Variants in UBE3B observed in about 807,000 individuals in gnomAD.
The protein encoded by UBE3B is ubiquitin protein ligase E3B, also known as ubiquitin-protein ligase E3B.
A neutral mutation model predicts 132.3 loss-of-function variants in UBE3B; 80 were observed. The observed-to-expected ratio is 0.60, with a 90% CI of 0.50 to 0.73. UBE3B has a LOEUF of 0.73. Among genes scored for constraint, UBE3B ranks in the 30% least tolerant of loss-of-function variants. The probability of loss-of-function intolerance (pLI) is 0.00; values close to 1 mark genes in which losing one functional copy is unlikely to be tolerated. For missense variants in UBE3B, 1,196 were observed against 1,362.5 expected (o/e 0.88, Z 1.92); for synonymous variants, 487 against 520.4 (o/e 0.94, Z 0.87).
intron 18 of UBE3B, 89 bp downstream of exon 18, chr12:109,511,392 G>GTGAC: frequency 8.6e-7 from 1 of 1,169,144 alleles, no homozygotes. Context: ...GCAATTGGAG[G>GTGAC]TGACTAAGTG....
chr12:109,505,613 G>A (rs1879563309), intron 14 of UBE3B, among the ~76,000 whole-genome samples: 1 of 152,170 alleles, frequency 6.6e-6, no homozygotes. Context: ...TTATGAGTGG[G>A]GCACCTATGT....
intron 9 of UBE3B, 65 bp from the exon 10 acceptor site, chr12:109,497,753 G>T: frequency 6.7e-7 from 1 of 1,491,630 alleles, no homozygotes. Context: ...ACGTTGGTGG[G>T]GTTGTGCTTT....
At position 109,514,652 on chromosome 12, in the gene UBE3B, C is replaced by T. The variant is rs952862218; in HGVS notation, c.1957-2113C>T. On this transcript the variant is annotated intron_variant, in intron 18 of 27. Transcript: ENST00000342494. ...TTGTGTCACAAACTACACGACTCCA[C>T]ATGACAAACACCTGTTCTCAAAAGT... is the stretch of plus-strand genomic sequence containing the variant. Among the ~76,000 whole-genome samples, 83 of 152,180 alleles carry T rather than the reference C, an allele frequency of 5.5e-4. 2 individuals are homozygous for T. The highest frequency in any genetic ancestry group is 8.8e-5 in the Non-Finnish European group (6 of 68,028).
At chr12:109,482,892 A>G (rs190724371) in intron 2 of UBE3B, among the ~76,000 whole-genome samples, 50 of 152,380 alleles carry the variant, frequency 3.3e-4, no homozygotes, top group African/African-American at 1.2e-3. Flanking sequence ...TAAGCTATAC[A>G]TAAAACCAAA....
chr12:109,534,785 C>T lies in UBE3B; in HGVS notation c.*3C>T, dbSNP rs754281028. On this transcript the variant is annotated 3_prime_UTR_variant, in exon 28 of 28. Coordinates refer to ENST00000342494, the MANE Select transcript of UBE3B (RefSeq NM_130466.4). The surrounding 1 kb of genome is among the most constrained non-coding windows in gnomAD (Gnocchi z 5.2). ...ACACGGGCTTTGAACTCTCCTAGCT[C>T]CTGTCCCAGCCCTGCCTCCAGGGCT... 2.7e-6 allele frequency: 4 copies of T among 1,506,632 alleles called. No homozygotes were observed. The highest frequency in any genetic ancestry group is 3.6e-6 in the Non-Finnish European group (4 of 1,125,832). The allele number at this position is 1,506,632 out of a possible 1,614,324, so 93.3% of individuals were successfully genotyped here.
rs945148296 is a variant in UBE3B, at chr12:109,534,649, AGCCAGGCGGCC to A, written c.3078_3088del (p.Gly1027AlafsTer36). 1 of 1,611,874 alleles carries A rather than the reference AGCCAGGCGGCC, an allele frequency of 6.2e-7. No homozygotes were observed. Among genetic ancestry groups the A allele is most frequent in the African/African-American group, 1.3e-5 (1 of 74,806 alleles). On this transcript the variant is annotated frameshift_variant, in exon 28 of 28. Transcript: ENST00000342494. LOFTEE classifies it high-confidence loss of function. The surrounding 1 kb of genome is among the most constrained non-coding windows in gnomAD (Gnocchi z 5.2). ...GGCTTCTTCACCATCCGCAAGCGGG[AGCCAGGCGGCC>A]GCCTGCCCACCTCCTCCACCTGCTT...
intron 14 of UBE3B, among the ~76,000 whole-genome samples, chr12:109,506,758 T>C (rs544363974): frequency 2.0e-5 from 3 of 152,352 alleles, no homozygotes; most frequent in African/African-American, 7.2e-5. Context: ...GATGCCTCCA[T>C]ATTTTGAGTC....
At chr12:109,482,630 A>C (rs1270889138) in intron 2 of UBE3B, among the ~76,000 whole-genome samples, 1 of 152,242 alleles carries the variant, frequency 6.6e-6, no homozygotes, top group Non-Finnish European at 1.5e-5. Context: ...CATTTTGTAT[A>C]GAATGGCAAT....
intron 26 of UBE3B, among the ~76,000 whole-genome samples, chr12:109,532,526 G>A (rs1475250938): frequency 6.6e-6 from 1 of 152,218 alleles, no homozygotes; most frequent in Non-Finnish European, 1.5e-5. Flanking sequence ...TAAGTGACAA[G>A]CCCCTGTATC....
intron 1 of UBE3B, among the ~76,000 whole-genome samples, chr12:109,478,332 CTTGT>C (rs1403462867): frequency 4.6e-5 from 7 of 152,118 alleles, no homozygotes; most frequent in African/African-American, 7.2e-5. Context: ...AGCCCTGGAT[CTTGT>C]TTGTTTTACT....
At chr12:109,514,150 G>A (rs1478318488) in intron 18 of UBE3B, among the ~76,000 whole-genome samples, 1 of 152,162 alleles carries the variant, frequency 6.6e-6, no homozygotes, top group African/African-American at 2.4e-5. Flanking sequence ...GCTTTTACCT[G>A]TTTATGTGTG....
intron 18 of UBE3B, among the ~76,000 whole-genome samples, chr12:109,514,698 G>A (rs1489253236): frequency 6.6e-6 from 1 of 152,054 alleles, no homozygotes; most frequent in Non-Finnish European, 1.5e-5. Flanking sequence ...CCCTGCCATG[G>A]AGGGGAGAGG....
In UBE3B at chr12:109,486,527, G is replaced by A; in HGVS notation, c.399G>A (p.Gln133=). 1 of 1,427,396 alleles carries A rather than the reference G, an allele frequency of 7.0e-7. No homozygotes were observed. The highest frequency in any genetic ancestry group is 9.3e-7 in the Non-Finnish European group (1 of 1,075,316). The allele number at this position is 1,427,396 out of a possible 1,614,324, so 88.4% of individuals were successfully genotyped here. ...ACCTCACCCTCCTTTGGATTCAACA[G>A]ATCAAGAACATTTTGTGGTACTGCT... The part of the protein sequence containing the change: ...SKDLTLLWIQ[Q]IKNILWYCCD... The change falls in exon 6 of 28, where the codon CAG becomes CAA. Residue 133 remains glutamine (Q), a synonymous_variant. Coordinates refer to ENST00000342494, the MANE Select transcript of UBE3B (RefSeq NM_130466.4).
At chr12:109,512,758 A>G (rs554348419) in intron 18 of UBE3B, among the ~76,000 whole-genome samples, 1 of 152,322 alleles carries the variant, frequency 6.6e-6, no homozygotes, top group African/African-American at 2.4e-5. Flanking sequence ...TGTGCAAACA[A>G]TGTGGCTGTT....
intron 8 of UBE3B, 155 bp downstream of exon 8, chr12:109,490,159 C>A: frequency 1.1e-6 from 1 of 893,754 alleles, no homozygotes; most frequent in African/African-American, 1.6e-5. Context: ...CCTTCCCCTG[C>A]CTTGTCTCAC....
rs1566096015 is a variant in UBE3B, at chr12:109,509,597, A to G, written c.1624A>G (p.Ile542Val). 6.9e-6 allele frequency: 11 copies of G among 1,589,300 alleles called. No individual in the cohort carries two copies. Among genetic ancestry groups the G allele is most frequent in the Admixed American group, 1.9e-5 (1 of 53,034 alleles). Residue 542 changes from isoleucine to valine, a missense_variant and splice_region_variant, in exon 16 of 28, where the codon ATC (isoleucine) becomes GTC (valine). Coordinates refer to ENST00000342494, the MANE Select transcript of UBE3B (RefSeq NM_130466.4). ...FCDCSRHLIT[I>V]LDDIEVYEEQ... ...TGGGTAATTTTCTCTCTGATTTAGAATCCTTGATGACATTGAAGTTTATGA... is the reference window on the plus strand; with the variant it reads ...TGGGTAATTTTCTCTCTGATTTAGAGTCCTTGATGACATTGAAGTTTATGA...
rs149652395 is a variant in UBE3B at position 109,482,806 on chromosome 12, G to A, written c.-21-725G>A. Among the ~76,000 whole-genome samples the A allele has an allele frequency of 1.8e-3, 273 of 152,320 alleles. 5 individuals are homozygous for A. Among genetic ancestry groups the A allele is most frequent in the African/African-American group, 6.2e-3 (259 of 41,564 alleles). On this transcript the variant is annotated intron_variant, in intron 2 of 27. Coordinates refer to ENST00000342494, the MANE Select transcript of UBE3B (RefSeq NM_130466.4). ...AGAGCTGCTCTTCAGAAAAGCACCC[G>A]TTAGTGGACAGGACCAGTTCTACAG...
intron 2 of UBE3B, among the ~76,000 whole-genome samples, chr12:109,482,822 A>C (rs1044640714): frequency 2.6e-5 from 4 of 152,272 alleles, no homozygotes; most frequent in Non-Finnish European, 5.9e-5. Context: ...GGACAGGACC[A>C]GTTCTACAGT....
chr12:109,487,363 G>A (rs1876683696), intron 6 of UBE3B, among the ~76,000 whole-genome samples: 1 of 152,156 alleles, frequency 6.6e-6, no homozygotes, highest in Admixed American at 6.5e-5. Flanking sequence ...GAGGTCTCAG[G>A]GACAGAGGCT....
Sources: gnomAD v4.1 joint callset for allele counts (sites outside exome capture counted in the v4.1 genomes callset) on GRCh38, gnomAD v4.1.1 for gene constraint, Gnocchi (gnomAD v3.1) non-coding constraint, MANE v1.5 for transcripts, NCBI Gene and HGNC (gene_info 2026-07-23, HGNC 2026-07-21) for gene names.